The following PDLIM1 variants were observed in gnomAD, a reference collection of about 807,000 sequenced individuals.
The protein encoded by PDLIM1 is PDZ and LIM domain protein 1.
A neutral mutation model predicts 35.2 loss-of-function variants in PDLIM1; 25 were observed. That is an observed-to-expected ratio of 0.71 (90% CI 0.52 to 0.99). The LOEUF (loss-of-function observed/expected upper bound fraction) is 0.99. PDLIM1 is among the 50% of genes least tolerant of loss of function. The probability of loss-of-function intolerance (pLI) is 0.00; values close to 1 mark genes in which losing one functional copy is unlikely to be tolerated. For missense variants in PDLIM1, 363 were observed against 415.3 expected (o/e 0.87, Z 1.09); for synonymous variants, 152 against 154.0 (o/e 0.99, Z 0.10).
Position 95,290,993 on chromosome 10 carries a change from G to A in PDLIM1, c.-78C>T, listed in dbSNP as rs45527542. ...GAACAGCTTGCAGGGCACCCCCGGC[G>A]GCTGTCGGAGAAAGAGCGGCGCGGC... is the stretch of plus-strand genomic sequence containing the variant. On this transcript the variant is annotated 5_prime_UTR_variant, in exon 1 of 7. Coordinates refer to ENST00000329399, the MANE Select transcript of PDLIM1 (RefSeq NM_020992.4). This position sits in a 1 kb window ranked among gnomAD's most constrained non-coding sequence, Gnocchi z 4.7. The A allele has an allele frequency of 0.02, 16,529 of 830,156 alleles. 195 individuals carry two copies. The highest frequency in any genetic ancestry group is 0.022 in the Non-Finnish European group (12,709 of 573,016). The allele number at this position is 830,156 out of a possible 1,614,324, so 51.4% of individuals were successfully genotyped here. A position where few individuals can be genotyped will look rare whatever the true frequency, so the allele number is the denominator to read the frequency against.
intron 1 of PDLIM1, among the ~76,000 whole-genome samples, chr10:95,282,546 G>C (rs1299093769): frequency 6.6e-6 from 1 of 152,210 alleles, no homozygotes; most frequent in Non-Finnish European, 1.5e-5. Flanking sequence ...ACAGTTCAAA[G>C]AGACGTGCTG....
At chr10:95,285,942 T>G (rs2035598597) in intron 1 of PDLIM1, among the ~76,000 whole-genome samples, 1 of 152,260 alleles carries the variant, frequency 6.6e-6, no homozygotes. Context: ...CTTTCAAATG[T>G]AAATGGATGC....
rs547353470 is a variant in PDLIM1, at chr10:95,244,286, A to T, written c.685+2929T>A. 1.1e-4 allele frequency among the ~76,000 whole-genome samples: 17 copies of T among 152,320 alleles called. No individual in the cohort carries two copies. The East Asian group carries it at 3.3e-3, about 29-fold the overall frequency. Reference sequence around the variant, plus strand: ...GGGTCTTCAAGGTTTATGACCAAATACTGCTGTAGCCAAGCTTCCTTCAGG... The same window carrying T: ...GGGTCTTCAAGGTTTATGACCAAATTCTGCTGTAGCCAAGCTTCCTTCAGG... On this transcript the variant is annotated intron_variant, in intron 5 of 6. Coordinates refer to ENST00000329399, the MANE Select transcript of PDLIM1 (RefSeq NM_020992.4).
chr10:95,280,739 T>C (rs1015849394), intron 1 of PDLIM1, among the ~76,000 whole-genome samples: 11 of 152,242 alleles, frequency 7.2e-5, no homozygotes, highest in Admixed American at 2.0e-4. Flanking sequence ...TCAGAAGGCT[T>C]ATTTGTGGAC....
intron 4 of PDLIM1, among the ~76,000 whole-genome samples, chr10:95,259,857 A>G (rs1403948327): frequency 1.3e-5 from 2 of 152,202 alleles, no homozygotes; most frequent in Admixed American, 1.3e-4. Context: ...TCTAGGGCCT[A>G]GTATGTTGGT....
At chr10:95,246,849 G>A (rs1198029571) in intron 5 of PDLIM1, among the ~76,000 whole-genome samples, 4 of 152,154 alleles carry the variant, frequency 2.6e-5, no homozygotes, top group African/African-American at 9.7e-5. Context: ...CATCACTGAA[G>A]TTCCTCAGCC....
intron 4 of PDLIM1, among the ~76,000 whole-genome samples, chr10:95,253,581 G>A (rs766772877): frequency 2.6e-5 from 4 of 151,924 alleles, no homozygotes; most frequent in Admixed American, 6.6e-5. Flanking sequence ...ACCTGAACCC[G>A]GGAGGTGGAG....
intron 4 of PDLIM1, among the ~76,000 whole-genome samples, chr10:95,253,542 G>A (rs1304102632): frequency 1.3e-5 from 2 of 151,952 alleles, no homozygotes; most frequent in East Asian, 1.9e-4. Flanking sequence ...GTTAATTCCA[G>A]CTACTCAAGA....
intron 5 of PDLIM1, among the ~76,000 whole-genome samples, chr10:95,239,108 C>T (rs938954116): frequency 6.6e-6 from 1 of 152,164 alleles, no homozygotes; most frequent in Non-Finnish European, 1.5e-5. Flanking sequence ...AAAGGATTCC[C>T]TATTTAATAA....
intron 4 of PDLIM1, among the ~76,000 whole-genome samples, chr10:95,263,472 C>A (rs911234398): frequency 2.1e-5 from 2 of 96,240 alleles, no homozygotes; most frequent in African/African-American, 6.2e-5. Flanking sequence ...ACAGGCTACT[C>A]TAGATTCCCT....
intron 5 of PDLIM1, among the ~76,000 whole-genome samples, chr10:95,241,192 A>C (rs937247506): frequency 6.6e-6 from 1 of 152,212 alleles, no homozygotes; most frequent in African/African-American, 2.4e-5. Flanking sequence ...CTGTATGCTG[A>C]CCAATCCTTC....
intron 5 of PDLIM1, among the ~76,000 whole-genome samples, chr10:95,239,764 C>A (rs2035160725): frequency 6.6e-6 from 1 of 152,076 alleles, no homozygotes; most frequent in South Asian, 2.1e-4. Flanking sequence ...CCACTGCACT[C>A]CAGCCTGGGC....
rs572019545 is a variant in PDLIM1, at chr10:95,275,236, GC to G, written c.97-3453del. ...AACCAATCAGCATTCACCTTCCCTA[GC>G]CCCCTGCCTGCCGAACTATCTTTGA... On this transcript the variant is annotated intron_variant, in intron 1 of 6. Coordinates refer to ENST00000329399, the MANE Select transcript of PDLIM1 (RefSeq NM_020992.4). 2.6e-5 allele frequency among the ~76,000 whole-genome samples: 4 copies of G among 152,166 alleles called. No individual in the cohort carries two copies. The South Asian group carries it at 8.3e-4, about 32-fold the overall frequency.
intron 1 of PDLIM1, among the ~76,000 whole-genome samples, chr10:95,284,521 T>C (rs1394332162): frequency 6.6e-6 from 1 of 152,102 alleles, no homozygotes; most frequent in Non-Finnish European, 1.5e-5. Context: ...GCCTGGCTAA[T>C]TTTTGAATTT....
At position 95,261,787 on chromosome 10, in the gene PDLIM1, T is replaced by C. The variant is rs140214109; in HGVS notation, c.533+2077A>G. Among the ~76,000 whole-genome samples the C allele has an allele frequency of 9.8e-3, 1,488 of 152,244 alleles. 27 individuals are homozygous for C. The highest frequency in any genetic ancestry group is 0.034 in the African/African-American group (1,422 of 41,554). ...ACTTTGGGAGGCCGAGGCAGGCAGATCACCTGAGGTCGGGAGTTTGAGACC... is the reference window on the plus strand; with the variant it reads ...ACTTTGGGAGGCCGAGGCAGGCAGACCACCTGAGGTCGGGAGTTTGAGACC... On this transcript the variant is annotated intron_variant, in intron 4 of 6. Coordinates refer to ENST00000329399, the MANE Select transcript of PDLIM1 (RefSeq NM_020992.4).
At chr10:95,279,301 G>C (rs573388959) in intron 1 of PDLIM1, among the ~76,000 whole-genome samples, 1 of 152,056 alleles carries the variant, frequency 6.6e-6, no homozygotes, top group Non-Finnish European at 1.5e-5. Flanking sequence ...GATCATTCTT[G>C]CAGCTATTAA....
intron 1 of PDLIM1, among the ~76,000 whole-genome samples, chr10:95,283,747 C>T (rs148118471): frequency 2.6e-5 from 4 of 152,228 alleles, no homozygotes; most frequent in East Asian, 1.9e-4. Flanking sequence ...CAAATGGTAA[C>T]GATACAGCTG....
chr10:95,242,874 T>C (rs187047297), intron 5 of PDLIM1, among the ~76,000 whole-genome samples: 36 of 151,658 alleles, frequency 2.4e-4, no homozygotes, highest in Non-Finnish European at 3.8e-4. Context: ...AAGAAGGAAA[T>C]GGCAGCATCT....
At chr10:95,268,611 C>T (rs1049542881) in intron 3 of PDLIM1, among the ~76,000 whole-genome samples, 167 bp downstream of exon 3, 1 of 152,222 alleles carries the variant, frequency 6.6e-6, no homozygotes, top group African/African-American at 2.4e-5. Context: ...TATCCTCCTG[C>T]AGTTCCCTTA....
Sources: allele counts gnomAD v4.1 joint callset (sites outside exome capture counted in the v4.1 genomes callset), GRCh38; gene constraint gnomAD v4.1.1; non-coding constraint Gnocchi (gnomAD v3.1); transcripts MANE v1.5; gene names NCBI Gene and HGNC (gene_info 2026-07-23, HGNC 2026-07-21).